Variants in GPC5 observed in about 807,000 individuals in gnomAD.
The protein encoded by GPC5 is glypican 5.
A neutral mutation model predicts 53.9 loss-of-function variants in GPC5; 47 were observed. The ratio of observed to expected loss-of-function variants is 0.87; its 90% CI spans 0.69 to 1.11. The LOEUF is 1.11. Ranked by LOEUF, GPC5 falls within the 50% of genes most tolerant of loss-of-function variation. The probability of loss-of-function intolerance (pLI) is 0.00; values close to 1 mark genes in which losing one functional copy is unlikely to be tolerated. For missense variants in GPC5, 748 were observed against 713.1 expected (o/e 1.05, Z -0.56); for synonymous variants, 286 against 263.3 (o/e 1.09, Z -0.84).
intron 6 of GPC5, among the ~76,000 whole-genome samples, chr13:91,913,364 A>C (rs2139005637): frequency 6.7e-6 from 1 of 149,592 alleles, no homozygotes; most frequent in Non-Finnish European, 1.5e-5. Context: ...GTGCCACTAC[A>C]CTCCAGTCTG....
At chr13:91,512,073 T>C (rs1203288855) in intron 2 of GPC5, among the ~76,000 whole-genome samples, 1 of 152,164 alleles carries the variant, frequency 6.6e-6, no homozygotes, top group East Asian at 1.9e-4. Context: ...TAGATGGAAA[T>C]CACCACAGGC....
chr13:92,118,704 C>T (rs1012383676), intron 6 of GPC5, among the ~76,000 whole-genome samples: 15 of 152,160 alleles, frequency 9.9e-5, no homozygotes, highest in Non-Finnish European at 1.9e-4. Flanking sequence ...TTTGATTTTG[C>T]TTTCAATCCA....
At chr13:91,965,779 G>C (rs556967299) in intron 6 of GPC5, among the ~76,000 whole-genome samples, 2 of 152,264 alleles carry the variant, frequency 1.3e-5, no homozygotes, top group South Asian at 4.1e-4. Context: ...TGCTTGAGCT[G>C]TTGCCATTGT....
chr13:92,604,941 A>G (rs1198264288), intron 7 of GPC5, among the ~76,000 whole-genome samples: 1 of 152,230 alleles, frequency 6.6e-6, no homozygotes, highest in Non-Finnish European at 1.5e-5. Flanking sequence ...CTCTTCATTA[A>G]GGAATTTGAG....
chr13:91,613,968 A>G (rs2033628581), intron 2 of GPC5, among the ~76,000 whole-genome samples: 2 of 152,232 alleles, frequency 1.3e-5, no homozygotes, highest in African/African-American at 4.8e-5. Context: ...AAGACCATGA[A>G]GTTGCAATGT....
intron 7 of GPC5, among the ~76,000 whole-genome samples, chr13:92,845,430 G>T (rs943910172): frequency 3.9e-5 from 6 of 152,058 alleles, no homozygotes; most frequent in African/African-American, 1.4e-4. Context: ...TCAAAGGCTG[G>T]CAGGCTTGAA....
intron 2 of GPC5, among the ~76,000 whole-genome samples, chr13:91,585,393 T>A (rs1382110483): frequency 1.3e-5 from 2 of 152,192 alleles, no homozygotes; most frequent in Non-Finnish European, 2.9e-5. Flanking sequence ...ACAACTCCCA[T>A]GCCTATCCAT....
At chr13:91,965,442 A>G (rs1436699388) in intron 6 of GPC5, among the ~76,000 whole-genome samples, 1 of 152,160 alleles carries the variant, frequency 6.6e-6, no homozygotes, top group East Asian at 1.9e-4. Context: ...TTAGATATTT[A>G]TAACATTTCT....
chr13:91,537,284 C>G (rs983929225), intron 2 of GPC5, among the ~76,000 whole-genome samples: 5 of 151,724 alleles, frequency 3.3e-5, no homozygotes, highest in Non-Finnish European at 7.4e-5. Context: ...ACTGATAAAA[C>G]TTTTAGATAG....
At chr13:91,669,326 G>A (rs535174007) in intron 2 of GPC5, among the ~76,000 whole-genome samples, 1 of 152,226 alleles carries the variant, frequency 6.6e-6, no homozygotes, top group Non-Finnish European at 1.5e-5. Context: ...AACAGTGATT[G>A]CAGGGAACAA....
chr13:91,739,788 G>C (rs1400868113), intron 4 of GPC5, among the ~76,000 whole-genome samples: 1 of 151,426 alleles, frequency 6.6e-6, no homozygotes, highest in East Asian at 1.9e-4. Context: ...ATATTCCATA[G>C]GTTACACAGG....
chr13:92,306,707 C>T (rs1222484132), intron 7 of GPC5, among the ~76,000 whole-genome samples: 5 of 152,212 alleles, frequency 3.3e-5, no homozygotes, highest in African/African-American at 1.2e-4. Context: ...TACCTTGGAG[C>T]TTGATTGTTC....
At chr13:91,534,727 C>A (rs1276866150) in intron 2 of GPC5, among the ~76,000 whole-genome samples, 1 of 152,170 alleles carries the variant, frequency 6.6e-6, no homozygotes. Flanking sequence ...TAACACATCA[C>A]TGAATCCTGG....
At chr13:92,613,906 A>T (rs1594349084) in intron 7 of GPC5, among the ~76,000 whole-genome samples, 3 of 151,796 alleles carry the variant, frequency 2.0e-5, no homozygotes, top group Admixed American at 6.6e-5. Flanking sequence ...AAAACCAAAA[A>T]GTGAAAAAGT....
chr13:92,516,965 G>A (rs923687718), intron 7 of GPC5, among the ~76,000 whole-genome samples: 56 of 151,994 alleles, frequency 3.7e-4, no homozygotes, highest in African/African-American at 1.2e-3. Context: ...CTGGAAAATC[G>A]GGTCACTCCC....
At chr13:91,938,926 T>C (rs1170466202) in intron 6 of GPC5, among the ~76,000 whole-genome samples, 2 of 152,116 alleles carry the variant, frequency 1.3e-5, no homozygotes, top group Non-Finnish European at 2.9e-5. Flanking sequence ...ATCTTTATAC[T>C]GAGTTTTCAA....
chr13:91,612,133 A>G (rs1042228701), intron 2 of GPC5, among the ~76,000 whole-genome samples: 1 of 152,186 alleles, frequency 6.6e-6, no homozygotes, highest in Non-Finnish European at 1.5e-5. Flanking sequence ...TATGAGACTG[A>G]GGAATACTAA....
rs143240375 is a variant in GPC5 at position 91,887,815 on chromosome 13, T to C, written c.1281-20122T>C. Among the ~76,000 whole-genome samples the C allele has an allele frequency of 5.6e-3, 849 of 152,284 alleles. 13 individuals carry two copies. The highest frequency in any genetic ancestry group is 0.019 in the African/African-American group (810 of 41,570). On this transcript the variant is annotated intron_variant, in intron 5 of 7. Transcript: ENST00000377067. ...GCATTTTGGTCAAAGCCATTCAACA[T>C]GTCTCTAGGAAGTTCCAAAATTTTC...
At chr13:92,553,078 A>G (rs1217787402) in intron 7 of GPC5, among the ~76,000 whole-genome samples, 1 of 151,942 alleles carries the variant, frequency 6.6e-6, no homozygotes, top group Admixed American at 6.6e-5. Flanking sequence ...ATTTCCACCC[A>G]TGAGCAACAT....
Sources: allele counts gnomAD v4.1 joint callset (sites outside exome capture counted in the v4.1 genomes callset), GRCh38; gene constraint gnomAD v4.1.1; transcripts MANE v1.5; gene names NCBI Gene and HGNC (gene_info 2026-07-23, HGNC 2026-07-21).